The following PRKN variants were observed in gnomAD, a reference collection of about 807,000 sequenced individuals.
The protein encoded by PRKN is parkin RBR E3 ubiquitin protein ligase, also known as E3 ubiquitin-protein ligase parkin.
PRKN carries 56 observed loss-of-function variants against 59.5 expected under a neutral mutation model. The observed-to-expected ratio is 0.94, with a 90% confidence interval of 0.76 to 1.18. The LOEUF is 1.18. Among genes scored for constraint, PRKN ranks in the 50% most tolerant of loss-of-function variants. PRKN has a pLI of 0.00. For missense variants in PRKN, 657 were observed against 596.4 expected, an observed-to-expected ratio of 1.10 and a Z score of -1.06; for synonymous variants, 250 against 222.1, an observed-to-expected ratio of 1.13 and a Z score of -1.12.
Position 162,234,725 on chromosome 6 carries a change from T to C in PRKN, c.412+27800A>G, listed in dbSNP as rs536166585. ...CTGCTTTTCCACCAAGTATTTTTTA[T>C]GGATTGGTTGAATCTGCAGATGCAG... On this transcript the variant is annotated intron_variant, in intron 3 of 11. Coordinates refer to ENST00000366898, the MANE Select transcript of PRKN (RefSeq NM_004562.3). Among the ~76,000 whole-genome samples the C allele has an allele frequency of 2.0e-5, 3 of 152,370 alleles. No individual in the cohort carries two copies. In the East Asian group the frequency reaches 5.8e-4, roughly 29 times the overall value.
chr6:162,492,794 TA>T (rs1792877362), intron 1 of PRKN, among the ~76,000 whole-genome samples: 1 of 151,344 alleles, frequency 6.6e-6, no homozygotes. Context: ...TACTAAAAAA[TA>T]CAAAAAAATT....
chr6:162,284,294 G>T (rs887328273), intron 2 of PRKN, among the ~76,000 whole-genome samples: 2 of 135,172 alleles, frequency 1.5e-5, no homozygotes, highest in South Asian at 4.9e-4. Flanking sequence ...GCGCAATCTC[G>T]GCTCACTGCA....
rs1335712355 is a variant in PRKN, at chr6:161,460,657, T to G, written c.1084-73780A>C. ...ACAACTTCATCGCCGTGAGCATGAC[T>G]TCCAGGGATGTCCACAGCTGTGGCT... On this transcript the variant is annotated intron_variant, in intron 9 of 11. Transcript: ENST00000366898. The surrounding 1 kb of genome is among the most constrained non-coding windows in gnomAD (Gnocchi z 5.0). Among the ~76,000 whole-genome samples the G allele has an allele frequency of 3.3e-5, 5 of 152,168 alleles. No individual in the cohort carries two copies. Among genetic ancestry groups the G allele is most frequent in the African/African-American group, 9.7e-5 (4 of 41,434 alleles).
At chr6:162,254,550 T>C (rs563388048) in intron 3 of PRKN, among the ~76,000 whole-genome samples, 1 of 152,216 alleles carries the variant, frequency 6.6e-6, no homozygotes, top group South Asian at 2.1e-4. Context: ...CTGAAAACAG[T>C]GCTCAGTTGA....
chr6:162,620,463 T>C (rs1048294525), intron 1 of PRKN, among the ~76,000 whole-genome samples: 2 of 152,238 alleles, frequency 1.3e-5, no homozygotes, highest in African/African-American at 4.8e-5. Flanking sequence ...TTATGACTAC[T>C]GAATACTATT....
chr6:162,550,919 T>C (rs374864441), intron 1 of PRKN, among the ~76,000 whole-genome samples: 12 of 152,264 alleles, frequency 7.9e-5, no homozygotes, highest in African/African-American at 2.6e-4. Context: ...CTAGGAGGCA[T>C]CTGGCTGGCT....
intron 6 of PRKN, among the ~76,000 whole-genome samples, chr6:161,925,239 T>C (rs1014576733): frequency 6.6e-6 from 1 of 152,186 alleles, no homozygotes; most frequent in Non-Finnish European, 1.5e-5. Context: ...TTCAATATGA[T>C]AGAATTGCAT....
In PRKN at chr6:161,562,599, T is replaced by A. The variant is rs989006050; in HGVS notation, c.933+6756A>T. Among the ~76,000 whole-genome samples, 18 of 152,328 alleles carry A rather than the reference T, an allele frequency of 1.2e-4. No individual in the cohort carries two copies. Among genetic ancestry groups the A allele is most frequent in the African/African-American group, 3.6e-4 (15 of 41,586 alleles). ...CTCACTCACACATCCAAGTCCCGAC[T>A]TATCTCCTTCTCCATGCTTCAGGCA... On this transcript the variant is annotated intron_variant, in intron 8 of 11. Transcript: ENST00000366898. The surrounding 1 kb of genome is among the most constrained non-coding windows in gnomAD (Gnocchi z 4.3).
At chr6:161,893,702 A>C (rs891879147) in intron 6 of PRKN, among the ~76,000 whole-genome samples, 2 of 152,208 alleles carry the variant, frequency 1.3e-5, no homozygotes, top group Non-Finnish European at 2.9e-5. Context: ...CTGGCAAATA[A>C]TAACTCAACA....
chr6:162,320,000 T>C (rs1004043097), intron 2 of PRKN, among the ~76,000 whole-genome samples: 1 of 151,884 alleles, frequency 6.6e-6, no homozygotes, highest in African/African-American at 2.4e-5. Context: ...TGTCTATGAC[T>C]GCACACTCCA....
Position 162,365,151 on chromosome 6 carries a change from C to A in PRKN, c.171+78159G>T, listed in dbSNP as rs1215489561. On this transcript the variant is annotated intron_variant, in intron 2 of 11. Coordinates refer to ENST00000366898, the MANE Select transcript of PRKN (RefSeq NM_004562.3). ...AAATAAATCCATAATTTAAAAAAAT[C>A]ACACAAAAGTGTATAAAGTAAAAAG... is the stretch of plus-strand genomic sequence containing the variant. Among the ~76,000 whole-genome samples, 4 of 151,810 alleles carry A rather than the reference C, an allele frequency of 2.6e-5. No homozygotes were observed. The East Asian group carries it at 7.8e-4, about 29-fold the overall frequency.
At chr6:161,521,179 C>G (rs1269189366) in intron 9 of PRKN, among the ~76,000 whole-genome samples, 1 of 151,178 alleles carries the variant, frequency 6.6e-6, no homozygotes, top group African/African-American at 2.4e-5. Flanking sequence ...GTTGATGAAG[C>G]AGGAGACTTC....
At chr6:161,500,509 C>T (rs1412177790) in intron 9 of PRKN, among the ~76,000 whole-genome samples, 2 of 152,140 alleles carry the variant, frequency 1.3e-5, no homozygotes, top group African/African-American at 4.8e-5. Context: ...TTACTGTGTC[C>T]AGAGTTTTGC....
intron 4 of PRKN, among the ~76,000 whole-genome samples, chr6:162,183,003 A>G (rs1783864126): frequency 6.6e-6 from 1 of 151,976 alleles, no homozygotes; most frequent in Admixed American, 6.6e-5. Flanking sequence ...TGCCGATTTG[A>G]AGAAATAATG....
Position 161,526,503 on chromosome 6 carries a change from T to C in PRKN, c.1083+22351A>G, listed in dbSNP as rs1562505102. ...TTGTCCTGTCTTGCTAATTCTTTCT[T>C]GTTTACATGCTATAACCATTAGAAG... On this transcript the variant is annotated intron_variant, in intron 9 of 11. Coordinates refer to ENST00000366898, the MANE Select transcript of PRKN (RefSeq NM_004562.3). This position sits in a 1 kb window ranked among gnomAD's most constrained non-coding sequence, Gnocchi z 4.1. Among the ~76,000 whole-genome samples, 1 of 151,796 alleles carries C rather than the reference T, an allele frequency of 6.6e-6. No individual in the cohort carries two copies. The highest frequency in any genetic ancestry group is 1.5e-5 in the Non-Finnish European group (1 of 67,960).
intron 4 of PRKN, among the ~76,000 whole-genome samples, chr6:162,141,707 T>A (rs893743183): frequency 6.6e-6 from 1 of 152,178 alleles, no homozygotes; most frequent in Non-Finnish European, 1.5e-5. Context: ...TGCTATATAG[T>A]ATACTTTGCA....
At chr6:161,946,435 C>A (rs1176419486) in intron 6 of PRKN, among the ~76,000 whole-genome samples, 1 of 150,828 alleles carries the variant, frequency 6.6e-6, no homozygotes, top group East Asian at 1.9e-4. Flanking sequence ...CTCTCTCTCT[C>A]TCTCTCTCTC....
At chr6:162,393,846 G>T (rs1412825787) in intron 2 of PRKN, among the ~76,000 whole-genome samples, 2 of 152,090 alleles carry the variant, frequency 1.3e-5, no homozygotes, top group African/African-American at 4.8e-5. Context: ...TAATCCTTTA[G>T]ATTTAGTTAA....
At chr6:162,473,501 C>T (rs1791860364) in intron 1 of PRKN, among the ~76,000 whole-genome samples, 1 of 152,056 alleles carries the variant, frequency 6.6e-6, no homozygotes, top group Non-Finnish European at 1.5e-5. Flanking sequence ...CTAGTAAAGC[C>T]ACCGATGTGG....
Sources: gnomAD v4.1 joint callset for allele counts (sites outside exome capture counted in the v4.1 genomes callset) on GRCh38, gnomAD v4.1.1 for gene constraint, Gnocchi (gnomAD v3.1) non-coding constraint, MANE v1.5 for transcripts, NCBI Gene and HGNC (gene_info 2026-07-23, HGNC 2026-07-21) for gene names.